Variants in B3GALT1 observed in about 807,000 individuals in gnomAD.
The protein encoded by B3GALT1 is UDP-Gal:betaGlcNAc beta 1,3-galactosyltransferase, polypeptide 1.
Under a neutral mutation model 23.2 loss-of-function variants are expected in B3GALT1, and 10 were observed. The ratio of observed to expected loss-of-function variants is 0.43; its 90% CI spans 0.27 to 0.73. B3GALT1 has a LOEUF of 0.73. B3GALT1 is among the 30% of genes least tolerant of loss of function. The probability of loss-of-function intolerance (pLI) is 0.21; values close to 1 mark genes in which losing one functional copy is unlikely to be tolerated. For synonymous variants in B3GALT1, 156 were observed against 141.5 expected (o/e 1.10, Z -0.73); for missense variants, 299 against 405.4 (o/e 0.74, Z 2.25).
At chr2:167,769,296 C>T (rs1688031585) in intron 3 of B3GALT1, among the ~76,000 whole-genome samples, 1 of 152,132 alleles carries the variant, frequency 6.6e-6, no homozygotes, top group Admixed American at 6.5e-5. Context: ...AAGCCAAATC[C>T]TAGCCCCCTC....
At chr2:167,502,772 G>T (rs909748388) in intron 2 of B3GALT1, among the ~76,000 whole-genome samples, 1 of 152,206 alleles carries the variant, frequency 6.6e-6, no homozygotes, top group Non-Finnish European at 1.5e-5. Flanking sequence ...GGGCACTGTG[G>T]CTCACGCCTG....
At chr2:167,764,137 C>T (rs1345188415) in intron 3 of B3GALT1, among the ~76,000 whole-genome samples, 1 of 152,146 alleles carries the variant, frequency 6.6e-6, no homozygotes, top group Non-Finnish European at 1.5e-5. Flanking sequence ...GATTTAAGAG[C>T]TCCAAATAGC....
At chr2:167,334,740 G>A (rs1217247440) in intron 1 of B3GALT1, among the ~76,000 whole-genome samples, 1 of 151,990 alleles carries the variant, frequency 6.6e-6, no homozygotes, top group African/African-American at 2.4e-5. Flanking sequence ...GGTGAATAAG[G>A]GGAACACAGA....
intron 2 of B3GALT1, among the ~76,000 whole-genome samples, chr2:167,563,002 A>T (rs546928328): frequency 6.6e-6 from 1 of 152,226 alleles, no homozygotes; most frequent in South Asian, 2.1e-4. Context: ...AAGGCAGAAG[A>T]ACCTCTCTCA....
intron 2 of B3GALT1, among the ~76,000 whole-genome samples, chr2:167,537,783 A>C (rs1231505957): frequency 6.6e-6 from 1 of 151,372 alleles, no homozygotes; most frequent in African/African-American, 2.4e-5. Context: ...AAAAGCCTGA[A>C]GCCTTTTCAA....
At chr2:167,837,885 G>A (rs1394236692) in intron 4 of B3GALT1, among the ~76,000 whole-genome samples, 38 of 152,068 alleles carry the variant, frequency 2.5e-4, no homozygotes, top group Admixed American at 1.0e-3. Context: ...ACTCAAAACC[G>A]CTCAACTACA....
intron 3 of B3GALT1, among the ~76,000 whole-genome samples, chr2:167,738,912 T>G (rs1210478925): frequency 6.6e-6 from 1 of 152,346 alleles, no homozygotes; most frequent in Non-Finnish European, 1.5e-5. Context: ...CAGGTTTCCC[T>G]TGACAGCACT....
intron 2 of B3GALT1, among the ~76,000 whole-genome samples, chr2:167,511,523 C>T (rs1453490224): frequency 6.6e-6 from 1 of 152,154 alleles, no homozygotes; most frequent in Non-Finnish European, 1.5e-5. Context: ...ATTAATTAAA[C>T]CTCTTTTCTT....
At chr2:167,429,949 A>G (rs1312032525) in intron 1 of B3GALT1, among the ~76,000 whole-genome samples, 1 of 152,260 alleles carries the variant, frequency 6.6e-6, no homozygotes. Context: ...CTGGATATAC[A>G]ACAGTGAACA....
intron 2 of B3GALT1, among the ~76,000 whole-genome samples, chr2:167,557,062 T>C (rs1458132867): frequency 6.6e-6 from 1 of 152,148 alleles, no homozygotes; most frequent in Admixed American, 6.5e-5. Context: ...TATAAATCAC[T>C]CTACATTGTA....
At chr2:167,792,517 C>G (rs748135269) in intron 3 of B3GALT1, among the ~76,000 whole-genome samples, 5 of 152,168 alleles carry the variant, frequency 3.3e-5, no homozygotes, top group Non-Finnish European at 7.3e-5. Flanking sequence ...CAGGGAACTT[C>G]TTTCTTTTTA....
intron 3 of B3GALT1, among the ~76,000 whole-genome samples, chr2:167,807,326 C>G (rs1688776584): frequency 6.6e-6 from 1 of 152,180 alleles, no homozygotes; most frequent in African/African-American, 2.4e-5. Context: ...CAGTTCTGCT[C>G]TGATCTTAGT....
chr2:167,699,472 G>A (rs1404412307), intron 3 of B3GALT1, among the ~76,000 whole-genome samples: 2 of 143,808 alleles, frequency 1.4e-5, no homozygotes, highest in East Asian at 2.1e-4. Flanking sequence ...AGTTGAAAGG[G>A]TAAATGACAT....
At chr2:167,710,589 G>A (rs1033912310) in intron 3 of B3GALT1, among the ~76,000 whole-genome samples, 4 of 152,134 alleles carry the variant, frequency 2.6e-5, no homozygotes, top group African/African-American at 9.7e-5. Flanking sequence ...AACCTCCTAG[G>A]GCATTAATGT....
intron 4 of B3GALT1, among the ~76,000 whole-genome samples, chr2:167,834,581 G>C (rs1345528186): frequency 6.6e-6 from 1 of 152,182 alleles, no homozygotes; most frequent in Non-Finnish European, 1.5e-5. Context: ...ATAAGATATA[G>C]TAATAAAGTT....
chr2:167,354,045 A>G (rs564045062), intron 1 of B3GALT1, among the ~76,000 whole-genome samples: 1 of 152,318 alleles, frequency 6.6e-6, no homozygotes, highest in East Asian at 1.9e-4. Flanking sequence ...CCATTTTGCC[A>G]CACTGACTCA....
intron 3 of B3GALT1, among the ~76,000 whole-genome samples, chr2:167,745,711 T>G (rs1216720776): frequency 6.6e-6 from 1 of 152,190 alleles, no homozygotes; most frequent in Non-Finnish European, 1.5e-5. Context: ...AACCATCTAT[T>G]TATCTTGGTG....
At chr2:167,838,653 G>A (rs1269865471) in intron 4 of B3GALT1, among the ~76,000 whole-genome samples, 3 of 152,274 alleles carry the variant, frequency 2.0e-5, no homozygotes, top group Non-Finnish European at 2.9e-5. Flanking sequence ...TAGAAAAAGA[G>A]GGAATCCTCC....
chr2:167,715,388 A>G, intron 3 of B3GALT1: 3 of 1,613,628 alleles, frequency 1.9e-6, no homozygotes, highest in Non-Finnish European at 2.5e-6. Flanking sequence ...AGCTTCTCGC[A>G]AAAGCTGTTT....
Sources: allele counts gnomAD v4.1 joint callset (sites outside exome capture counted in the v4.1 genomes callset), GRCh38; gene constraint gnomAD v4.1.1; transcripts MANE v1.5; gene names NCBI Gene and HGNC (gene_info 2026-07-23, HGNC 2026-07-21).